Variants in CCNA1 observed in about 807,000 individuals in gnomAD.
CCNA1 encodes cyclin A1.
In CCNA1, 23 loss-of-function variants were observed where a neutral mutation model predicts 54.1. That is an observed-to-expected ratio of 0.42 (90% CI 0.31 to 0.60). The LOEUF (loss-of-function observed/expected upper bound fraction) is 0.60, where lower values mean the gene tolerates loss of function less well. Among genes scored for constraint, CCNA1 ranks in the 20% least tolerant of loss-of-function variants. CCNA1 has a pLI of 0.14. For synonymous variants in CCNA1, 208 were observed against 213.9 expected, an observed-to-expected ratio of 0.97 and a Z score of 0.24; for missense variants, 450 against 556.7, an observed-to-expected ratio of 0.81 and a Z score of 1.93.
chr13:36,434,235 T>C (rs781523700), intron 2 of CCNA1, among the ~76,000 whole-genome samples: 4 of 152,204 alleles, frequency 2.6e-5, no homozygotes, highest in Non-Finnish European at 5.9e-5. Flanking sequence ...CCCTCAGATA[T>C]TAGTTGTGTG....
rs373856311 is a variant in CCNA1 at position 36,440,049 on chromosome 13, C to T, written c.964C>T (p.Arg322Ter). ...TATCACCGATGATACATACACAAAA[C>T]GACAACTGTTAAAAATGGAACACTT... The change falls in exon 6 of 9, where the codon CGA becomes TGA. Residue 322 changes from arginine to a stop codon, truncating the protein, a stop_gained. Transcript: ENST00000255465. LOFTEE classifies it high-confidence loss of function. 14 of 1,613,376 alleles carry T rather than the reference C, an allele frequency of 8.7e-6. No homozygotes were observed. The highest frequency in any genetic ancestry group is 1.1e-5 in the Non-Finnish European group (13 of 1,179,454).
At chr13:36,432,941 G>C (rs746527055) in intron 1 of CCNA1, 92 bp from the exon 2 acceptor site, 13 of 1,229,694 alleles carry the variant, frequency 1.1e-5, no homozygotes, top group Non-Finnish European at 1.5e-5. Context: ...CCCATTGCTT[G>C]GTGCTCTCCC....
At position 36,438,204 on chromosome 13, in the gene CCNA1, A is replaced by C. The variant is rs2055830989; in HGVS notation, c.669+13A>C. On this transcript the variant is annotated intron_variant, in intron 4 of 8. Transcript: ENST00000255465. ...TAGGGAAGCTGAAGTAAGTTTTCCC[A>C]CCTTCTACTTCAATCTTCAGGACCC... 2 of 1,606,512 alleles carry C rather than the reference A, an allele frequency of 1.2e-6. No homozygotes were observed. The highest frequency in any genetic ancestry group is 2.7e-5 in the African/African-American group (2 of 74,718).
At position 36,441,179 on chromosome 13, in the gene CCNA1, T is replaced by C; in HGVS notation, c.1160T>C (p.Ile387Thr). The change falls in exon 7 of 9, where the codon ATA (isoleucine) becomes ACA (threonine). Residue 387 changes from isoleucine to threonine, a missense_variant. This residue lies in a region of CCNA1 where 22 missense variants were observed against 52.7 expected (regional missense o/e 0.42). Coordinates refer to ENST00000255465, the MANE Select transcript of CCNA1 (RefSeq NM_003914.4). ...TTCTTGAAATATCTTCCTTCACTGA[T>C]AGCTGCAGCAGCTTTTTGCCTGGCA... 4 of 1,613,488 alleles carry C rather than the reference T, an allele frequency of 2.5e-6. No individual in the cohort carries two copies. The highest frequency in any genetic ancestry group is 2.5e-6 in the Non-Finnish European group (3 of 1,179,484).
rs2055892168 is a variant in CCNA1 at position 36,442,829 on chromosome 13, A to ACATTTTT, written c.*164_*165insCATTTTT. 4.9e-6 allele frequency: 3 copies of ACATTTTT among 606,262 alleles called. No homozygotes were observed. In the African/African-American group the frequency reaches 5.5e-5, roughly 11 times the overall value. 37.6% of individuals were successfully genotyped at this position (606,262 alleles called of 1,614,324 possible). ...CCCTTAGACTTTAGTAGTTTGTAAT[A>ACATTTTT]TAGTCCAACATTTTTTAAACAATAA... On this transcript the variant is annotated 3_prime_UTR_variant, in exon 9 of 9. Coordinates refer to ENST00000255465, the MANE Select transcript of CCNA1 (RefSeq NM_003914.4).
At chr13:36,432,836 ACT>A (rs886577121) in intron 1 of CCNA1, 107 bp downstream of exon 1, 2 of 978,746 alleles carry the variant, frequency 2.0e-6, no homozygotes, top group Admixed American at 2.1e-5. Flanking sequence ...GATTCAAATA[ACT>A]GTTTTGATTC....
chr13:36,438,979 A>G (rs2055843675), intron 5 of CCNA1, 112 bp downstream of exon 5: 1 of 767,318 alleles, frequency 1.3e-6, no homozygotes, highest in Admixed American at 2.3e-5. Context: ...AAAACTAGTC[A>G]TGTGTCCTTT....
At chr13:36,433,423 T>TTTCGTTCGTTCGTTCG (rs1464691967) in intron 2 of CCNA1, among the ~76,000 whole-genome samples, 4 of 121,332 alleles carry the variant, frequency 3.3e-5, no homozygotes, top group African/African-American at 9.3e-5. Context: ...TCTTTCTTTC[T>TTTCGTTCGTTCGTTCG]TTCTTTCTTT....
chr13:36,437,480 C>A, intron 2 of CCNA1, 149 bp from the exon 3 acceptor site: 1 of 665,038 alleles, frequency 1.5e-6, no homozygotes. Context: ...TTTTGAAGAC[C>A]TTTTTTTTTT....
chr13:36,436,377 G>A (rs77052157), intron 2 of CCNA1, among the ~76,000 whole-genome samples: 1 of 152,106 alleles, frequency 6.6e-6, no homozygotes, highest in Admixed American at 6.5e-5. Flanking sequence ...TGCTCCTACT[G>A]TGTCTTTTCT....
intron 2 of CCNA1, among the ~76,000 whole-genome samples, chr13:36,433,654 C>A (rs558752958): frequency 6.6e-6 from 1 of 151,454 alleles, no homozygotes; most frequent in Non-Finnish European, 1.5e-5. Flanking sequence ...GATTCTCCTG[C>A]CTCAGCCTCC....
intron 6 of CCNA1, among the ~76,000 whole-genome samples, 185 bp downstream of exon 6, chr13:36,440,368 T>A (rs2055861099): frequency 6.6e-6 from 1 of 152,204 alleles, no homozygotes; most frequent in Non-Finnish European, 1.5e-5. Context: ...GCATTACTAT[T>A]GACTATATTT....
chr13:36,441,266 G>C, intron 7 of CCNA1, 35 bp downstream of exon 7: 1 of 1,320,410 alleles, frequency 7.6e-7, no homozygotes, highest in Non-Finnish European at 1.1e-6. Context: ...TGAAATTCAA[G>C]GTCTATCTAG....
At chr13:36,432,412 C>T (rs1245035876), upstream of CCNA1, 1 of 281,294 alleles carries the variant, frequency 3.6e-6, no homozygotes, top group Non-Finnish European at 6.8e-6. Context: ...CCCGCCCGGC[C>T]CGGCCCGGCC....
At position 36,434,831 on chromosome 13, in the gene CCNA1, C is replaced by CA. The variant is rs1566170384; in HGVS notation, c.297+1610_297+1611insA. ...TCCCTGCTGTCATGAGAGGTGCCCC[C>CA]CCCCCCGCGCCATGCGTACAATATA... On this transcript the variant is annotated intron_variant, in intron 2 of 8. Transcript: ENST00000255465. Among the ~76,000 whole-genome samples the CA allele has an allele frequency of 4.2e-5, 5 of 119,384 alleles. No homozygotes were observed. The South Asian group carries it at 1.1e-3, about 25-fold the overall frequency. 78.3% of individuals were successfully genotyped at this position (119,384 alleles called of 152,430 possible).
Position 36,433,345 on chromosome 13 carries a change from G to T in CCNA1, c.297+124G>T. Reference sequence around the variant, plus strand: ...CTGAGTATTACAACCCTGGAATCTGGACTACAGGAAAGTTGATTGATTTAT... The same window carrying T: ...CTGAGTATTACAACCCTGGAATCTGTACTACAGGAAAGTTGATTGATTTAT... On this transcript the variant is annotated intron_variant, in intron 2 of 8. Coordinates refer to ENST00000255465, the MANE Select transcript of CCNA1 (RefSeq NM_003914.4). The T allele has an allele frequency of 4.2e-6, 2 of 475,592 alleles. 1 individual carries two copies. The highest frequency in any genetic ancestry group is 4.0e-5 in the African/African-American group (2 of 49,834). The allele number at this position is 475,592 out of a possible 1,614,324, so 29.5% of individuals were successfully genotyped here.
At chr13:36,438,439 C>T (rs986219815) in intron 4 of CCNA1, among the ~76,000 whole-genome samples, 1 of 151,836 alleles carries the variant, frequency 6.6e-6, no homozygotes, top group Non-Finnish European at 1.5e-5. Context: ...TTCTCCCCTG[C>T]CCCCCCAACC....
At chr13:36,435,708 A>G (rs1481344482) in intron 2 of CCNA1, among the ~76,000 whole-genome samples, 3 of 152,112 alleles carry the variant, frequency 2.0e-5, no homozygotes, top group Admixed American at 2.0e-4. Flanking sequence ...AACACTCTCT[A>G]TTTGGTGATG....
chr13:36,441,097 G>T, intron 6 of CCNA1, 21 bp from the exon 7 acceptor site: 1 of 1,324,738 alleles, frequency 7.5e-7, no homozygotes, highest in East Asian at 2.4e-5. Context: ...ATTCCAATGT[G>T]TTTTCTTCTC....
Sources: allele counts gnomAD v4.1 joint callset (sites outside exome capture counted in the v4.1 genomes callset), GRCh38; gene constraint gnomAD v4.1.1; regional missense constraint gnomAD v4.1.1; transcripts MANE v1.5; gene names NCBI Gene and HGNC (gene_info 2026-07-23, HGNC 2026-07-21).